Variants in EYS observed in about 807,000 individuals in gnomAD.
EYS encodes the protein protein eyes shut homolog.
EYS carries 250 observed loss-of-function variants against 282.1 expected under a neutral mutation model. The ratio of observed to expected loss-of-function variants is 0.89; its 90% CI spans 0.80 to 0.98. EYS has a LOEUF of 0.98. Ranked by LOEUF, EYS falls within the 50% of genes least tolerant of loss-of-function variation. The pLI is 0.00. For synonymous variants in EYS, 1,355 were observed against 1,282.9 expected (o/e 1.06, Z -1.20); for missense variants, 4,016 against 3,709.0 (o/e 1.08, Z -2.15).
At chr6:65,334,948 T>C (rs1290737463) in intron 11 of EYS, 32 bp downstream of exon 11, 1 of 1,581,696 alleles carries the variant, frequency 6.3e-7, no homozygotes, top group South Asian at 1.1e-5. Flanking sequence ...TTTTGATATG[T>C]GATATTATCT....
intron 5 of EYS, among the ~76,000 whole-genome samples, chr6:65,439,355 T>G (rs2150390720): frequency 6.9e-6 from 1 of 145,862 alleles, no homozygotes; most frequent in African/African-American, 2.4e-5. Context: ...CATATGAACT[T>G]TAAAGTAGTT....
intron 5 of EYS, among the ~76,000 whole-genome samples, chr6:65,459,938 G>GGT (rs1256637500): frequency 9.3e-6 from 1 of 107,318 alleles, no homozygotes; most frequent in Admixed American, 1.1e-4. Context: ...TACTTTTTCT[G>GGT]GTGCGTGTGT....
intron 31 of EYS, among the ~76,000 whole-genome samples, chr6:64,160,381 C>T (rs1775067157): frequency 6.6e-6 from 1 of 151,992 alleles, no homozygotes; most frequent in Admixed American, 6.6e-5. Context: ...TCATTTTTTT[C>T]TTAAGAAATT....
At chr6:64,014,232 A>G (rs1443637147) in intron 33 of EYS, among the ~76,000 whole-genome samples, 20 of 152,108 alleles carry the variant, frequency 1.3e-4, no homozygotes, top group Admixed American at 1.3e-3. Context: ...AATTCAGATG[A>G]TATTGGTAGG....
At chr6:64,852,555 A>T (rs1467026098) in intron 19 of EYS, among the ~76,000 whole-genome samples, 5 of 152,096 alleles carry the variant, frequency 3.3e-5, no homozygotes, top group Admixed American at 2.6e-4. Context: ...TGACTAATAC[A>T]CGTCTACCAT....
chr6:63,956,553 A>G (rs1765831158), intron 35 of EYS, among the ~76,000 whole-genome samples: 1 of 152,094 alleles, frequency 6.6e-6, no homozygotes, highest in Non-Finnish European at 1.5e-5. Context: ...TTTCCCATAG[A>G]ACGTTTGGTG....
chr6:64,574,330 C>T (rs1368568148), intron 26 of EYS, among the ~76,000 whole-genome samples: 4 of 152,078 alleles, frequency 2.6e-5, no homozygotes, highest in Admixed American at 6.6e-5. Context: ...ATGTAGATGA[C>T]AGGTTGATGG....
rs961155629 is a variant in EYS, at chr6:64,040,717, G to A, written c.6725+25621C>T. ...ATCCACTGATTTACACATTGTCTAT[G>A]GCTGCTCTAGAGCTGCAGTGACAAA... On this transcript the variant is annotated intron_variant, in intron 33 of 42. Coordinates refer to ENST00000503581, the MANE Select transcript of EYS (RefSeq NM_001142800.2). 2.0e-5 allele frequency among the ~76,000 whole-genome samples: 3 copies of A among 152,102 alleles called. No homozygotes were observed. The South Asian group carries it at 6.2e-4, about 32-fold the overall frequency.
chr6:65,082,237 C>T (rs144633577), intron 12 of EYS, among the ~76,000 whole-genome samples: 125 of 152,064 alleles, frequency 8.2e-4, no homozygotes, highest in African/African-American at 2.9e-3. Context: ...CTGAGATTAC[C>T]ATTCACCTGA....
At chr6:63,871,842 G>T (rs1443338707) in intron 35 of EYS, among the ~76,000 whole-genome samples, 1 of 152,102 alleles carries the variant, frequency 6.6e-6, no homozygotes, top group Non-Finnish European at 1.5e-5. Context: ...TCTCTTCCTA[G>T]CTCTGCCGTT....
chr6:64,201,967 T>C (rs530517858), intron 31 of EYS, among the ~76,000 whole-genome samples: 7 of 152,280 alleles, frequency 4.6e-5, no homozygotes, highest in African/African-American at 1.7e-4. Context: ...TTAGTGAACA[T>C]GCTACAATGC....
chr6:65,376,711 G>T (rs577892250), intron 8 of EYS, among the ~76,000 whole-genome samples: 147 of 152,150 alleles, frequency 9.7e-4, no homozygotes, highest in Middle Eastern at 3.4e-3. Flanking sequence ...AAAAAAAGCA[G>T]GGGTTGCAGT....
intron 28 of EYS, among the ~76,000 whole-genome samples, chr6:64,407,771 G>T (rs1320639448): frequency 1.3e-5 from 2 of 151,978 alleles, no homozygotes; most frequent in South Asian, 2.1e-4. Flanking sequence ...TGCTCTTGTT[G>T]CCCAGGCTGG....
intron 9 of EYS, among the ~76,000 whole-genome samples, chr6:65,347,141 C>T (rs1043215429): frequency 2.4e-4 from 36 of 151,774 alleles, no homozygotes; most frequent in Admixed American, 9.2e-4. Context: ...TACAGTATTG[C>T]CAGCAATGGA....
chr6:65,018,851 ATTG>A (rs1289379436), intron 13 of EYS, among the ~76,000 whole-genome samples: 1 of 152,130 alleles, frequency 6.6e-6, no homozygotes, highest in East Asian at 1.9e-4. Context: ...TCTGAATTGT[ATTG>A]TTGTTGTTGT....
At chr6:65,623,736 A>C (rs1309161269) in intron 2 of EYS, among the ~76,000 whole-genome samples, 2 of 152,318 alleles carry the variant, frequency 1.3e-5, no homozygotes, top group East Asian at 3.9e-4. Flanking sequence ...AAACTAATGT[A>C]TGTACATTTC....
chr6:65,065,050 G>A (rs1773703676), intron 12 of EYS, among the ~76,000 whole-genome samples: 2 of 152,092 alleles, frequency 1.3e-5, no homozygotes, highest in South Asian at 4.1e-4. Flanking sequence ...GTGTGAGTAA[G>A]CCACCAGGAA....
chr6:65,526,679 G>T (rs552814810), intron 2 of EYS, among the ~76,000 whole-genome samples: 4 of 152,234 alleles, frequency 2.6e-5, no homozygotes, highest in Non-Finnish European at 5.9e-5. Flanking sequence ...GGTGTCGGGC[G>T]CCTGTAGTCC....
At chr6:65,017,062 A>AT (rs1463000225) in intron 13 of EYS, among the ~76,000 whole-genome samples, 4 of 152,152 alleles carry the variant, frequency 2.6e-5, no homozygotes, top group South Asian at 2.1e-4. Context: ...GGGAGACATC[A>AT]TTTTTTCCCT....
Sources: allele counts gnomAD v4.1 joint callset (sites outside exome capture counted in the v4.1 genomes callset), GRCh38; gene constraint gnomAD v4.1.1; transcripts MANE v1.5; gene names NCBI Gene and HGNC (gene_info 2026-07-23, HGNC 2026-07-21).